FRMD4A: variants seen among roughly 807,000 people sequenced by gnomAD.
The protein encoded by FRMD4A is FERM domain containing 4A.
Under a neutral mutation model 129.1 loss-of-function variants are expected in FRMD4A, and 29 were observed. The ratio of observed to expected loss-of-function variants is 0.22; its 90% CI spans 0.17 to 0.31. FRMD4A has a LOEUF of 0.31. FRMD4A is among the 10% of genes least tolerant of loss of function. The pLI, the probability that FRMD4A is intolerant of heterozygous loss-of-function variation, is 1.00. For missense variants in FRMD4A, 1,272 were observed against 1,375.8 expected, an observed-to-expected ratio of 0.92 and a Z score of 1.19; for synonymous variants, 634 against 571.6, an observed-to-expected ratio of 1.11 and a Z score of -1.56.
intron 2 of FRMD4A, among the ~76,000 whole-genome samples, chr10:13,978,821 T>TG (rs2095551009): frequency 6.6e-6 from 1 of 152,210 alleles, no homozygotes; most frequent in African/African-American, 2.4e-5. Context: ...TTTGGGTCCC[T>TG]GGGAAAGTAC....
At position 13,832,579 on chromosome 10, in the gene FRMD4A, G is replaced by T. The variant is rs139633001; in HGVS notation, c.112-21671C>A. ...TTTCTTTTTCTTTATTTAGAGAAAGGGTCTCACTCTGTCACTCAGGCTGAA... is the reference window on the plus strand; with the variant it reads ...TTTCTTTTTCTTTATTTAGAGAAAGTGTCTCACTCTGTCACTCAGGCTGAA... On this transcript the variant is annotated intron_variant, in intron 3 of 24. Coordinates refer to ENST00000357447, the MANE Select transcript of FRMD4A (RefSeq NM_018027.5). 6.2e-3 allele frequency among the ~76,000 whole-genome samples: 945 copies of T among 152,234 alleles called. 13 individuals carry two copies. Among genetic ancestry groups the T allele is most frequent in the African/African-American group, 0.022 (894 of 41,548 alleles).
rs191967533 is a variant in FRMD4A, at chr10:13,873,893, C to A, written c.46-14981G>T. On this transcript the variant is annotated intron_variant, in intron 2 of 24. Coordinates refer to ENST00000357447, the MANE Select transcript of FRMD4A (RefSeq NM_018027.5). ...GGAAAGTCTAAGGACAATAAAAGAACCTTTAAAGATATGTTCAAAGCAAGA... is the reference window on the plus strand; with the variant it reads ...GGAAAGTCTAAGGACAATAAAAGAAACTTTAAAGATATGTTCAAAGCAAGA... 4.6e-5 allele frequency among the ~76,000 whole-genome samples: 7 copies of A among 151,872 alleles called. No homozygotes were observed. In the South Asian group the frequency reaches 6.2e-4, roughly 14 times the overall value.
intron 2 of FRMD4A, among the ~76,000 whole-genome samples, chr10:13,962,332 G>GC (rs1452192206): frequency 1.3e-5 from 2 of 152,244 alleles, no homozygotes; most frequent in Non-Finnish European, 2.9e-5. Flanking sequence ...GACAGTACTT[G>GC]CCCCCCAGGG....
chr10:13,694,763 G>T lies in FRMD4A; in HGVS notation c.976-724C>A, dbSNP rs542884510. On this transcript the variant is annotated intron_variant, in intron 14 of 24. Transcript: ENST00000357447. ...AGGCTGAGACAAGAGGATTGCTTGA[G>T]CCCAGGAGTTGGAGGCTGCAGTGAG... Among the ~76,000 whole-genome samples the T allele has an allele frequency of 2.0e-5, 3 of 152,084 alleles. No homozygotes were observed. In the South Asian group the frequency reaches 6.2e-4, roughly 32 times the overall value.
chr10:14,081,366 C>T (rs1229997849), intron 2 of FRMD4A, among the ~76,000 whole-genome samples: 2 of 152,152 alleles, frequency 1.3e-5, no homozygotes, highest in South Asian at 4.1e-4. Flanking sequence ...GGGGGTCTTG[C>T]AAGCATCTAG....
chr10:14,091,426 G>A (rs866112410), intron 2 of FRMD4A, among the ~76,000 whole-genome samples: 1 of 151,884 alleles, frequency 6.6e-6, no homozygotes, highest in African/African-American at 2.4e-5. Flanking sequence ...TTAGTTTTTT[G>A]GTTTTGTTTT....
At chr10:14,294,863 C>A (rs1010208337) in intron 2 of FRMD4A, among the ~76,000 whole-genome samples, 1 of 152,206 alleles carries the variant, frequency 6.6e-6, no homozygotes, top group Non-Finnish European at 1.5e-5. Flanking sequence ...TTGCGTCTTG[C>A]ATTTGCATAG....
intron 2 of FRMD4A, among the ~76,000 whole-genome samples, chr10:14,030,221 T>C (rs1168400295): frequency 6.6e-6 from 1 of 152,212 alleles, no homozygotes; most frequent in Non-Finnish European, 1.5e-5. Flanking sequence ...ACTGTCTACT[T>C]GAAATTTGCT....
chr10:13,719,456 C>A (rs1449664691), intron 12 of FRMD4A, among the ~76,000 whole-genome samples: 2 of 151,948 alleles, frequency 1.3e-5, no homozygotes, highest in African/African-American at 2.4e-5. Context: ...TCAAGAATGA[C>A]CCCAGGCAGG....
chr10:13,682,730 G>C (rs1186017732), intron 15 of FRMD4A, among the ~76,000 whole-genome samples: 1 of 152,006 alleles, frequency 6.6e-6, no homozygotes, highest in Non-Finnish European at 1.5e-5. Context: ...GGTTGGTCTT[G>C]AACTCCTGAC....
Position 13,670,470 on chromosome 10 carries a change from A to G in FRMD4A, c.1310T>C (p.Ile437Thr), listed in dbSNP as rs1391566360. ...YPLDPGEEPP[I>T]VRRRIGTAFK... ...GGCTGTTCCTATTCTTCTCCGAACA[A>G]TGGGTGGTTCCTCCCCTGGATCCAG... Residue 437 changes from isoleucine to threonine, a missense_variant, in exon 17 of 25, where the codon ATT (isoleucine) becomes ACT (threonine). Around this residue, in one of 2 missense-constraint regions of FRMD4A, gnomAD observed 972 missense variants for 892.3 expected, o/e 1.09. Transcript: ENST00000357447. 6.2e-7 allele frequency: 1 copy of G among 1,612,652 alleles called. No individual in the cohort carries two copies. Among genetic ancestry groups the G allele is most frequent in the Admixed American group, 1.7e-5 (1 of 59,992 alleles).
At chr10:14,029,959 C>A (rs1321351448) in intron 2 of FRMD4A, among the ~76,000 whole-genome samples, 11 of 152,100 alleles carry the variant, frequency 7.2e-5, no homozygotes, top group Admixed American at 7.2e-4. Flanking sequence ...GTCTTTTTCC[C>A]AAACCTGGAG....
chr10:13,981,272 G>A, intron 2 of FRMD4A, among the ~76,000 whole-genome samples: 1 of 152,174 alleles, frequency 6.6e-6, no homozygotes, highest in East Asian at 1.9e-4. Context: ...AGTGGCACAG[G>A]CAACCAGCCA....
intron 2 of FRMD4A, among the ~76,000 whole-genome samples, chr10:13,879,324 C>A (rs1014332862): frequency 3.3e-5 from 5 of 151,922 alleles, no homozygotes; most frequent in Non-Finnish European, 5.9e-5. Context: ...CAGCAAGACC[C>A]CATCTCTCAA....
At chr10:13,918,717 T>A (rs12780992) in intron 2 of FRMD4A, among the ~76,000 whole-genome samples, 13,045 of 151,834 alleles carry the variant, frequency 0.086, 665 homozygotes, top group East Asian at 0.25. Context: ...TTAGTAGAGA[T>A]GGGGTTTTGC....
rs372163447 is a variant in FRMD4A, at chr10:13,694,043, G to C, written c.976-4C>G. ...TGCGTGCTGCATGGATTTTGGACTG[G>C]AATGGAAAGGGAAGCAGGTCAAAGA... On this transcript the variant is annotated splice_polypyrimidine_tract_variant and splice_region_variant and intron_variant, in intron 14 of 24. Coordinates refer to ENST00000357447, the MANE Select transcript of FRMD4A (RefSeq NM_018027.5). 40 of 1,505,746 alleles carry C rather than the reference G, an allele frequency of 2.7e-5. No individual in the cohort carries two copies. The African/African-American group carries it at 5.1e-4, about 19-fold the overall frequency. The allele number at this position is 1,505,746 out of a possible 1,614,324, so 93.3% of individuals were successfully genotyped here.
At chr10:13,871,251 GAC>G (rs1372347593) in intron 2 of FRMD4A, 2 of 158,284 alleles carry the variant, frequency 1.3e-5, no homozygotes, top group East Asian at 3.9e-4. Context: ...CGCTTCTGCA[GAC>G]ACACCAGATA....
intron 2 of FRMD4A, among the ~76,000 whole-genome samples, chr10:14,002,943 T>A (rs1394569361): frequency 3.9e-5 from 6 of 152,104 alleles, no homozygotes; most frequent in African/African-American, 1.4e-4. Flanking sequence ...GGTTGGAATA[T>A]AACATTCCCA....
intron 2 of FRMD4A, among the ~76,000 whole-genome samples, chr10:13,950,584 T>C (rs2095364175): frequency 6.6e-6 from 1 of 152,156 alleles, no homozygotes; most frequent in Non-Finnish European, 1.5e-5. Flanking sequence ...GGTGGGGACT[T>C]AAGATTTCCT....
Sources: allele counts gnomAD v4.1 joint callset (sites outside exome capture counted in the v4.1 genomes callset), GRCh38; gene constraint gnomAD v4.1.1; regional missense constraint gnomAD v4.1.1; transcripts MANE v1.5; gene names NCBI Gene and HGNC (gene_info 2026-07-23, HGNC 2026-07-21).